Variants in PHYKPL observed in about 807,000 individuals in gnomAD.
The protein encoded by PHYKPL is 5-phosphonooxy-L-lysine phospho-lyase.
Under a neutral mutation model 51.3 loss-of-function variants are expected in PHYKPL, and 42 were observed. That is an observed-to-expected ratio of 0.82 (90% CI 0.64 to 1.06). The LOEUF is 1.06. Ranked by LOEUF, PHYKPL falls within the 50% of genes least tolerant of loss-of-function variation. The pLI is 0.00. For synonymous variants in PHYKPL, 264 were observed against 236.0 expected (o/e 1.12, Z -1.09); for missense variants, 655 against 586.6 (o/e 1.12, Z -1.20).
chr5:178,207,474 C>T (rs1253006553), downstream of PHYKPL, among the ~76,000 whole-genome samples: 1 of 152,130 alleles, frequency 6.6e-6, no homozygotes. Context: ...GTGAATAGAG[C>T]AGGTTGAGTA....
chr5:178,214,914 A>C (rs1271047290), intron 9 of PHYKPL, 29 bp from the exon 10 acceptor site: 2 of 1,604,032 alleles, frequency 1.2e-6, no homozygotes, highest in Non-Finnish European at 1.7e-6. Flanking sequence ...ACATCTCAGG[A>C]GGCCAGGCCT....
rs138895762 is a variant in PHYKPL at position 178,228,319 on chromosome 5, C to A, written c.338+1621G>T. 1,442 of 560,044 alleles carry A rather than the reference C, an allele frequency of 2.6e-3. 8 individuals carry two copies. Among genetic ancestry groups the A allele is most frequent in the South Asian group, 0.012 (519 of 43,636 alleles). The allele number at this position is 560,044 out of a possible 1,614,324, so 34.7% of individuals were successfully genotyped here. ...TGATAGAAAACAGGAGAGCACAGTG[C>A]CCGGGAAGCAAGATGACAGACCACT... On this transcript the variant is annotated intron_variant, in intron 3 of 12. Transcript: ENST00000308158.
At chr5:178,210,986 T>C (rs1758152996) in intron 12 of PHYKPL, 1 of 247,860 alleles carries the variant, frequency 4.0e-6, no homozygotes. Flanking sequence ...TTTCACCTTT[T>C]AATTTTATAT....
rs745606693 is a variant in PHYKPL, at chr5:178,225,368, C to T, written c.400G>A (p.Val134Met). Residue 134 changes from valine (V) to methionine (M), a missense_variant, in exon 4 of 13, where the codon GTG becomes ATG. Val to Met is a conservative substitution (Grantham distance 21, BLOSUM62 1). Transcript: ENST00000308158. ...AGTTGCACTTACTGATCTAATACCA[C>T]CACGTCCTGGTGTCCCGTGTAGTGG... ...ARHYTGHQDV[V>M]VLDHAYHGHL... The T allele has an allele frequency of 6.2e-7, 1 of 1,614,210 alleles. No individual in the cohort carries two copies. Among genetic ancestry groups the T allele is most frequent in the Non-Finnish European group, 8.5e-7 (1 of 1,180,046 alleles).
chr5:178,209,285 C>G, intron 12 of PHYKPL: 1 of 1,500,442 alleles, frequency 6.7e-7, no homozygotes, highest in Non-Finnish European at 9.3e-7. Context: ...AGTCACTGCC[C>G]TGAGTTTGTC....
intron 8 of PHYKPL, chr5:178,216,112 T>C (rs1212515929): frequency 6.6e-6 from 1 of 152,214 alleles, no homozygotes; most frequent in Admixed American, 6.5e-5. Context: ...CGCAGTGAAG[T>C]TGCAGAACAT....
At chr5:178,207,203 T>C, downstream of PHYKPL, 1 of 1,614,218 alleles carries the variant, frequency 6.2e-7, no homozygotes, top group Non-Finnish European at 8.5e-7. Flanking sequence ...GAGAAAAAGT[T>C]CCATACTGTC....
Position 178,222,868 on chromosome 5 carries a change from A to G in PHYKPL, c.685T>C (p.Phe229Leu). Residue 229 changes from phenylalanine (F) to leucine (L), a missense_variant, in exon 7 of 13, where the codon TTC becomes CTC. Coordinates refer to ENST00000308158, the MANE Select transcript of PHYKPL (RefSeq NM_153373.4). Reference protein sequence around the residue: ...GGQIIPPAGYFSQVAEHIRKA... With the variant: ...GGQIIPPAGYLSQVAEHIRKA... ...CCTACTCACTCTGCCACTTGGGAGA[A>G]GTAGCCAGCAGGGGGAATGATCTGC... is the stretch of plus-strand genomic sequence containing the variant. 6.2e-7 allele frequency: 1 copy of G among 1,614,196 alleles called. No individual in the cohort carries two copies. The highest frequency in any genetic ancestry group is 8.5e-7 in the Non-Finnish European group (1 of 1,180,020).
chr5:178,232,603 G>T lies in PHYKPL; in HGVS notation c.-53C>A. ...ACGCCACGCGGAGACGTCGCCGCGCGGGCTGGGCCTCCAAGGCCCCGCTCC... is the reference window on the plus strand; with the variant it reads ...ACGCCACGCGGAGACGTCGCCGCGCTGGCTGGGCCTCCAAGGCCCCGCTCC... On this transcript the variant is annotated 5_prime_UTR_variant, in exon 1 of 13. Transcript: ENST00000308158. The T allele has an allele frequency of 8.0e-7, 1 of 1,248,296 alleles. No individual in the cohort carries two copies. Among genetic ancestry groups the T allele is most frequent in the South Asian group, 3.3e-5 (1 of 30,348 alleles). 77.3% of individuals were successfully genotyped at this position (1,248,296 alleles called of 1,614,324 possible).
chr5:178,229,824 T>A, intron 3 of PHYKPL, 116 bp downstream of exon 3: 4 of 1,336,386 alleles, frequency 3.0e-6, no homozygotes, highest in Non-Finnish European at 3.1e-6. Context: ...CCTGGTGCAG[T>A]GGGGGCTGCC....
intron 8 of PHYKPL, among the ~76,000 whole-genome samples, chr5:178,218,657 A>G (rs1384100001): frequency 1.3e-5 from 2 of 152,210 alleles, no homozygotes; most frequent in African/African-American, 4.8e-5. Flanking sequence ...AAATCTGTTT[A>G]TAACCCACCC....
intron 8 of PHYKPL, among the ~76,000 whole-genome samples, chr5:178,217,218 C>T (rs2113788164): frequency 6.8e-6 from 1 of 147,142 alleles, no homozygotes; most frequent in South Asian, 2.1e-4. Flanking sequence ...ACTAGAGAGG[C>T]TCAACAGATT....
rs765616846 is a variant in PHYKPL at position 178,222,572 on chromosome 5, C to A, written c.710G>T (p.Arg237Leu). 23 of 1,613,928 alleles carry A rather than the reference C, an allele frequency of 1.4e-5. No homozygotes were observed. The highest frequency in any genetic ancestry group is 1.9e-5 in the Non-Finnish European group (23 of 1,179,916). The change falls in exon 8 of 13, where the codon CGC becomes CTC. Residue 237 changes from arginine to leucine, a missense_variant. Arg to Leu is a moderately radical substitution (Grantham distance 102, BLOSUM62 -2). Coordinates refer to ENST00000308158, the MANE Select transcript of PHYKPL (RefSeq NM_153373.4). ...TGCAACAAAGACCCCTCCGGCCTTG[C>A]GGATGTGCCTGTGGCAGAGGAGATG... The part of the protein sequence containing the change: ...GYFSQVAEHI[R>L]KAGGVFVADE...
intron 8 of PHYKPL, among the ~76,000 whole-genome samples, chr5:178,221,020 T>TGG (rs1393904404): frequency 1.3e-5 from 2 of 152,074 alleles, no homozygotes; most frequent in South Asian, 4.1e-4. Flanking sequence ...AAGAGGGAAT[T>TGG]GGGGGGAACA....
intron 9 of PHYKPL, 71 bp downstream of exon 9, chr5:178,215,205 A>G: frequency 6.2e-7 from 1 of 1,601,770 alleles, no homozygotes; most frequent in Non-Finnish European, 8.5e-7. Flanking sequence ...CCAGGTTGTT[A>G]GGAGGTGAAG....
Position 178,214,793 on chromosome 5 carries a change from T to TA in PHYKPL, c.1172+2dup, listed in dbSNP as rs748715617. ...GAAGCAACTTGTTTCAAGAAGAAAA[T>TA]ACCTTGATACCAAGTAGGCAGCCTC... is the stretch of plus-strand genomic sequence containing the variant. On this transcript the variant is annotated splice_region_variant and intron_variant, in intron 10 of 12. Coordinates refer to ENST00000308158, the MANE Select transcript of PHYKPL (RefSeq NM_153373.4). 7 of 1,613,682 alleles carry TA rather than the reference T, an allele frequency of 4.3e-6. No homozygotes were observed. The South Asian group carries it at 7.7e-5, about 18-fold the overall frequency.
chr5:178,213,992 G>A (rs1358760503), intron 10 of PHYKPL, among the ~76,000 whole-genome samples: 1 of 152,146 alleles, frequency 6.6e-6, no homozygotes, highest in African/African-American at 2.4e-5. Context: ...CATGCCACCT[G>A]ACCATTCCGA....
chr5:178,224,260 G>A (rs763237442), intron 6 of PHYKPL, 188 bp downstream of exon 6: 2 of 635,368 alleles, frequency 3.1e-6, no homozygotes, highest in East Asian at 3.0e-5. Flanking sequence ...GCTCTGGCTG[G>A]CTACCACGCC....
intron 8 of PHYKPL, chr5:178,216,016 G>A (rs1052762239): frequency 6.6e-6 from 1 of 152,224 alleles, no homozygotes; most frequent in Admixed American, 6.5e-5. Context: ...CATCAGCTTT[G>A]TTGAGGTATA....
Sources: gnomAD v4.1 joint callset for allele counts (sites outside exome capture counted in the v4.1 genomes callset) on GRCh38, gnomAD v4.1.1 for gene constraint, MANE v1.5 for transcripts, NCBI Gene and HGNC (gene_info 2026-07-23, HGNC 2026-07-21) for gene names.